The following SLC49A4 variants were observed in gnomAD, a reference collection of about 807,000 sequenced individuals.
SLC49A4 encodes the protein disrupted in renal cancer protein 2.
Under a neutral mutation model 50.6 loss-of-function variants are expected in SLC49A4, and 36 were observed. The observed-to-expected ratio is 0.71, with a 90% CI of 0.55 to 0.94. The LOEUF (loss-of-function observed/expected upper bound fraction) is 0.94, where lower values mean the gene tolerates loss of function less well. SLC49A4 is among the 40% of genes least tolerant of loss of function. The pLI is 0.00. For synonymous variants in SLC49A4, 248 were observed against 241.2 expected (o/e 1.03, Z -0.26); for missense variants, 503 against 605.7 (o/e 0.83, Z 1.78).
chr3:122,813,293 T>C (rs1936324862), intron 2 of SLC49A4, among the ~76,000 whole-genome samples: 1 of 152,078 alleles, frequency 6.6e-6, no homozygotes, highest in African/African-American at 2.4e-5. Flanking sequence ...TGGAAAACTC[T>C]TTTTTTAACC....
At chr3:122,839,780 A>G (rs1936742676) in intron 4 of SLC49A4, among the ~76,000 whole-genome samples, 1 of 152,204 alleles carries the variant, frequency 6.6e-6, no homozygotes, top group South Asian at 2.1e-4. Flanking sequence ...ATGCTTATAC[A>G]CTGCTGGTAG....
At chr3:122,833,712 T>G (rs1346683501) in intron 4 of SLC49A4, among the ~76,000 whole-genome samples, 1 of 152,140 alleles carries the variant, frequency 6.6e-6, no homozygotes, top group Non-Finnish European at 1.5e-5. Flanking sequence ...TCAAATATTT[T>G]ATTTTTCTTA....
At chr3:122,815,529 G>A (rs1273481751) in intron 2 of SLC49A4, among the ~76,000 whole-genome samples, 3 of 152,170 alleles carry the variant, frequency 2.0e-5, no homozygotes, top group Non-Finnish European at 4.4e-5. Context: ...ACAAAGAAAG[G>A]GAGAATAAAT....
At chr3:122,833,909 A>G (rs1277081950) in intron 4 of SLC49A4, among the ~76,000 whole-genome samples, 1 of 152,170 alleles carries the variant, frequency 6.6e-6, no homozygotes, top group Non-Finnish European at 1.5e-5. Flanking sequence ...TTCACATATC[A>G]CCTGAAATCA....
rs1441263876 is a variant in SLC49A4, at chr3:122,872,525, T to G, written c.1249T>G (p.Cys417Gly). 2 of 1,612,490 alleles carry G rather than the reference T, an allele frequency of 1.2e-6. No homozygotes were observed. Among genetic ancestry groups the G allele is most frequent in the African/African-American group, 2.7e-5 (2 of 74,900 alleles). Residue 417 changes from cysteine (C) to glycine (G), a missense_variant, in exon 8 of 9, where the codon TGT becomes GGT. By Grantham distance (159) the Cys-to-Gly change is radical (BLOSUM62 -3). Coordinates refer to ENST00000261038, the MANE Select transcript of SLC49A4 (RefSeq NM_032839.3). Reference protein sequence around the residue: ...TVYPVPEGITCGVVTFLSNMF... With the variant: ...TVYPVPEGITGGVVTFLSNMF... ...CTACCCAGTTCCAGAAGGAATTACT[T>G]GTGGAGTTGTCACTTTTTTAAGTAA...
intron 1 of SLC49A4, among the ~76,000 whole-genome samples, chr3:122,799,637 G>A (rs1936102517): frequency 6.6e-6 from 1 of 152,180 alleles, no homozygotes; most frequent in Non-Finnish European, 1.5e-5. Context: ...AGAGTAAAAC[G>A]ATGACTATGC....
chr3:122,841,763 G>C (rs1235787721), intron 4 of SLC49A4, among the ~76,000 whole-genome samples: 3 of 152,098 alleles, frequency 2.0e-5, no homozygotes, highest in African/African-American at 7.2e-5. Context: ...AAATAGAATA[G>C]AAAATATTAT....
Position 122,879,373 on chromosome 3 carries a change from G to A in SLC49A4, c.1432G>A (p.Val478Ile), listed in dbSNP as rs745780227. Residue 478 changes from valine (V) to isoleucine (I), a missense_variant, in exon 9 of 9, where the codon GTT becomes ATT. Physicochemically the swap from Val to Ile is conservative, Grantham distance 29. Transcript: ENST00000261038. The stretch of plus-strand genomic sequence containing the variant: ...ACTCTATCTTGATGTGGTTGTCTCC[G>A]TTTAATAGCACAGACTTGAAGGAGT... Reference protein sequence around the residue: ...DRLYLDVVVSV With the variant: ...DRLYLDVVVSI The A allele has an allele frequency of 5.4e-5, 87 of 1,610,646 alleles. No homozygotes were observed. The highest frequency in any genetic ancestry group is 1.6e-4 in the Middle Eastern group (1 of 6,072).
intron 8 of SLC49A4, among the ~76,000 whole-genome samples, chr3:122,873,292 G>A (rs1937219026): frequency 2.0e-5 from 3 of 151,810 alleles, no homozygotes; most frequent in South Asian, 2.1e-4. Flanking sequence ...CGATTCTCCC[G>A]CCTCAGCCTC....
Position 122,879,575 on chromosome 3 carries a change from G to A in SLC49A4, c.*197G>A. The A allele has an allele frequency of 2.1e-6, 1 of 466,860 alleles. No individual in the cohort carries two copies. The highest frequency in any genetic ancestry group is 3.8e-6 in the Non-Finnish European group (1 of 265,808). The allele number at this position is 466,860 out of a possible 1,614,324, so 28.9% of individuals were successfully genotyped here. On this transcript the variant is annotated 3_prime_UTR_variant, in exon 9 of 9. Coordinates refer to ENST00000261038, the MANE Select transcript of SLC49A4 (RefSeq NM_032839.3). Reference sequence around the variant, plus strand: ...AATGGGAGACTTGAGTGATAATAGGGGATTTTAAAACTCTACAGATGGCAT... The same window carrying A: ...AATGGGAGACTTGAGTGATAATAGGAGATTTTAAAACTCTACAGATGGCAT...
At chr3:122,859,045 A>C (rs1253979430) in intron 6 of SLC49A4, among the ~76,000 whole-genome samples, 1 of 152,242 alleles carries the variant, frequency 6.6e-6, no homozygotes, top group African/African-American at 2.4e-5. Context: ...CTGGTAGGGA[A>C]GACAAAAATA....
At chr3:122,841,949 ATGTT>A (rs1183241953) in intron 4 of SLC49A4, among the ~76,000 whole-genome samples, 1 of 151,850 alleles carries the variant, frequency 6.6e-6, no homozygotes, top group Admixed American at 6.6e-5. Context: ...GGTAAAAAAA[ATGTT>A]AGGTTGAATT....
chr3:122,795,588 C>A, intron 1 of SLC49A4, 53 bp downstream of exon 1: 1 of 1,538,704 alleles, frequency 6.5e-7, no homozygotes, highest in Non-Finnish European at 8.7e-7. Context: ...GGAGCAGGCG[C>A]CTGCCCGCGC....
chr3:122,874,500 G>C (rs1414340897), intron 8 of SLC49A4, among the ~76,000 whole-genome samples: 1 of 152,174 alleles, frequency 6.6e-6, no homozygotes, highest in African/African-American at 2.4e-5. Context: ...TTTTTGGTCA[G>C]TTTCTGACCA....
intron 1 of SLC49A4, among the ~76,000 whole-genome samples, chr3:122,805,961 T>C (rs1936212271): frequency 1.3e-5 from 2 of 152,256 alleles, no homozygotes; most frequent in Non-Finnish European, 2.9e-5. Context: ...ATGAAAACCA[T>C]CGGATAAATC....
chr3:122,852,125 G>A (rs1353236553), intron 5 of SLC49A4, among the ~76,000 whole-genome samples: 1 of 151,636 alleles, frequency 6.6e-6, no homozygotes, highest in Non-Finnish European at 1.5e-5. Flanking sequence ...CCCAGTAGCT[G>A]GGACTACAGG....
chr3:122,827,189 A>G (rs570455399), intron 3 of SLC49A4, 124 bp downstream of exon 3: 3 of 1,035,790 alleles, frequency 2.9e-6, no homozygotes, highest in East Asian at 5.1e-5. Flanking sequence ...GTAAATTTAC[A>G]TGCACTGTGC....
chr3:122,817,290 G>A (rs1936382581), intron 2 of SLC49A4, among the ~76,000 whole-genome samples: 1 of 152,102 alleles, frequency 6.6e-6, no homozygotes, highest in Non-Finnish European at 1.5e-5. Context: ...TGAAAACAGA[G>A]GAAGAGGGCC....
At chr3:122,796,584 A>T (rs1382154461) in intron 1 of SLC49A4, among the ~76,000 whole-genome samples, 1 of 152,206 alleles carries the variant, frequency 6.6e-6, no homozygotes, top group South Asian at 2.1e-4. Context: ...ATAACATAAG[A>T]TGGAAGAAGG....
Sources: allele counts gnomAD v4.1 joint callset (sites outside exome capture counted in the v4.1 genomes callset), GRCh38; gene constraint gnomAD v4.1.1; transcripts MANE v1.5; gene names NCBI Gene and HGNC (gene_info 2026-07-23, HGNC 2026-07-21).